Variants in MPDZ observed in about 807,000 individuals in gnomAD.
The protein encoded by MPDZ is multiple PDZ domain protein.
MPDZ carries 234 observed loss-of-function variants against 239.1 expected under a neutral mutation model. The ratio of observed to expected loss-of-function variants is 0.98; its 90% CI spans 0.88 to 1.09. The LOEUF is 1.09. Among genes scored for constraint, MPDZ ranks in the 50% least tolerant of loss-of-function variants. The pLI, the probability that MPDZ is intolerant of heterozygous loss-of-function variation, is 0.00. For missense variants in MPDZ, 3,175 were observed against 2,510.0 expected, an observed-to-expected ratio of 1.26 and a Z score of -5.66; for synonymous variants, 1,048 against 881.3, an observed-to-expected ratio of 1.19 and a Z score of -3.35.
At chr9:13,208,399 A>T (rs1957231997) in intron 10 of MPDZ, among the ~76,000 whole-genome samples, 1 of 151,862 alleles carries the variant, frequency 6.6e-6, no homozygotes, top group Non-Finnish European at 1.5e-5. Context: ...GTGAGCCATG[A>T]TCATGCCAGT....
chr9:13,161,142 C>T (rs139270835), intron 23 of MPDZ, among the ~76,000 whole-genome samples: 2 of 151,678 alleles, frequency 1.3e-5, no homozygotes, highest in African/African-American at 4.8e-5. Flanking sequence ...AATAACATAC[C>T]TTCCCCTTCC....
At chr9:13,124,825 T>C (rs1944883769) in intron 35 of MPDZ, among the ~76,000 whole-genome samples, 1 of 152,126 alleles carries the variant, frequency 6.6e-6, no homozygotes, top group South Asian at 2.1e-4. Flanking sequence ...AGAAGTTAAA[T>C]TACTTTCCCA....
At chr9:13,144,734 G>A (rs893664446) in intron 26 of MPDZ, among the ~76,000 whole-genome samples, 1 of 151,986 alleles carries the variant, frequency 6.6e-6, no homozygotes. Context: ...TTCCTACAGA[G>A]GGAAGACAGG....
chr9:13,223,425 T>C (rs1484340855), intron 5 of MPDZ, 146 bp downstream of exon 5: 88 of 848,776 alleles, frequency 1.0e-4, no homozygotes, highest in Non-Finnish European at 1.3e-4. Flanking sequence ...ATCACAACAA[T>C]GTTAATGACT....
In MPDZ at chr9:13,108,786, A is replaced by G. The variant is rs190504081; in HGVS notation, c.6066+150T>C. 7.3e-5 allele frequency: 47 copies of G among 645,766 alleles called. 1 individual carries two copies. The Admixed American group carries it at 1.9e-3, about 26-fold the overall frequency. The allele number at this position is 645,766 out of a possible 1,614,324, so 40.0% of individuals were successfully genotyped here. On this transcript the variant is annotated intron_variant, in intron 46 of 46. Transcript: ENST00000319217. Reference sequence around the variant, plus strand: ...AACCTCAAATTGGACAAAAATATTTAATGACCTGTTCCTGTAGGGAGTTTT... The same window carrying G: ...AACCTCAAATTGGACAAAAATATTTGATGACCTGTTCCTGTAGGGAGTTTT...
chr9:13,276,984 T>C (rs1974351953), intron 1 of MPDZ, among the ~76,000 whole-genome samples: 3 of 152,212 alleles, frequency 2.0e-5, no homozygotes. Context: ...CAACTAGACC[T>C]AAATCCATGT....
Position 13,162,801 on chromosome 9 carries a change from A to G in MPDZ, c.3255-6T>C. ...CTGCAGGCACATAAGTAATTCTGGA[A>G]CAAACCAGAATCCATGGAAGTGAAG... On this transcript the variant is annotated splice_polypyrimidine_tract_variant and splice_region_variant and intron_variant, in intron 22 of 46. Coordinates refer to ENST00000319217, the MANE Select transcript of MPDZ (RefSeq NM_001378778.1). 1.3e-6 allele frequency: 2 copies of G among 1,582,902 alleles called. No individual in the cohort carries two copies. The highest frequency in any genetic ancestry group is 1.7e-6 in the Non-Finnish European group (2 of 1,154,116).
chr9:13,224,295 C>A (rs1959801088), intron 4 of MPDZ, 79 bp downstream of exon 4: 11 of 1,297,340 alleles, frequency 8.5e-6, no homozygotes, highest in Non-Finnish European at 1.2e-5. Flanking sequence ...TCACTATATT[C>A]TTCAAATTAT....
At chr9:13,212,968 C>T (rs576642398) in intron 10 of MPDZ, among the ~76,000 whole-genome samples, 31 of 152,042 alleles carry the variant, frequency 2.0e-4, no homozygotes, top group African/African-American at 6.3e-4. Flanking sequence ...ATATCCTATA[C>T]GTATAAAGAG....
At chr9:13,191,502 G>A (rs1367792005) in intron 15 of MPDZ, among the ~76,000 whole-genome samples, 1 of 152,026 alleles carries the variant, frequency 6.6e-6, no homozygotes, top group Non-Finnish European at 1.5e-5. Context: ...TAAACAAACA[G>A]GAAAATGTGA....
At chr9:13,135,532 T>A (rs1946607355) in intron 31 of MPDZ, 1 of 152,176 alleles carries the variant, frequency 6.6e-6, no homozygotes, top group Admixed American at 6.5e-5. Context: ...GCCAGAGAAA[T>A]TTTTAACTAA....
At chr9:13,262,182 G>T (rs1247365990) in intron 1 of MPDZ, among the ~76,000 whole-genome samples, 1 of 151,976 alleles carries the variant, frequency 6.6e-6, no homozygotes, top group Non-Finnish European at 1.5e-5. Flanking sequence ...CTGCATTCAG[G>T]CCAGCCACAG....
At position 13,183,551 on chromosome 9, in the gene MPDZ, G is replaced by C. The variant is rs1170242817; in HGVS notation, c.2516C>G (p.Ser839Cys). 6.2e-7 allele frequency: 1 copy of C among 1,612,276 alleles called. No individual in the cohort carries two copies. Among genetic ancestry groups the C allele is most frequent in the East Asian group, 2.2e-5 (1 of 44,750 alleles). Residue 839 changes from serine to cysteine, a missense_variant, in exon 19 of 47, where the codon TCC becomes TGC. Ser to Cys is a moderately radical substitution (Grantham distance 112, BLOSUM62 -1). Coordinates refer to ENST00000319217, the MANE Select transcript of MPDZ (RefSeq NM_001378778.1). Reference sequence around the variant, plus strand: ...AGGAGAGTATGGAGACTCAAATGTGGATTCATCTACTAAGTCAGCATCATT... The same window carrying C: ...AGGAGAGTATGGAGACTCAAATGTGCATTCATCTACTAAGTCAGCATCATT... ...GTNDADLVDE[S>C]TFESPYSPEN...
chr9:13,166,812 G>C (rs1000557621), intron 22 of MPDZ, among the ~76,000 whole-genome samples: 2 of 151,970 alleles, frequency 1.3e-5, no homozygotes, highest in Non-Finnish European at 2.9e-5. Context: ...AATGAGGAAA[G>C]GGGAAAAAAG....
chr9:13,174,518 G>A (rs778306709), intron 21 of MPDZ, among the ~76,000 whole-genome samples: 1 of 152,072 alleles, frequency 6.6e-6, no homozygotes, highest in Non-Finnish European at 1.5e-5. Context: ...AATGCACACT[G>A]GAGTATAAAA....
intron 1 of MPDZ, among the ~76,000 whole-genome samples, chr9:13,259,424 C>A (rs1008443676): frequency 3.3e-5 from 5 of 152,148 alleles, no homozygotes; most frequent in South Asian, 2.1e-4. Flanking sequence ...TCTGCAAATA[C>A]ACATGGGGCA....
intron 3 of MPDZ, among the ~76,000 whole-genome samples, chr9:13,241,807 G>T (rs560072386): frequency 3.5e-4 from 54 of 152,220 alleles, no homozygotes; most frequent in African/African-American, 1.3e-3. Context: ...CAACACTTTG[G>T]CCATGAACTC....
At chr9:13,122,265 G>T in intron 36 of MPDZ, 95 bp from the exon 37 acceptor site, 1 of 1,076,380 alleles carries the variant, frequency 9.3e-7, no homozygotes, top group Non-Finnish European at 1.4e-6. Context: ...TTGATAGACA[G>T]CAATAAGGGT....
chr9:13,206,199 G>A lies in MPDZ; in HGVS notation c.1291-100C>T, dbSNP rs551481728. On this transcript the variant is annotated intron_variant, in intron 10 of 46. Transcript: ENST00000319217. ...GTATGTATAGTTGTTAGTGTGAAAA[G>A]AATGGAGAATAAGTATTCACCTTAT... 4.4e-5 allele frequency: 49 copies of A among 1,113,962 alleles called. No homozygotes were observed. The African/African-American group carries it at 7.1e-4, about 16-fold the overall frequency. 69.0% of individuals were successfully genotyped at this position (1,113,962 alleles called of 1,614,324 possible). A position where few individuals can be genotyped will look rare whatever the true frequency, so the allele number is the denominator to read the frequency against.
Sources: gnomAD v4.1 joint callset for allele counts (sites outside exome capture counted in the v4.1 genomes callset) on GRCh38, gnomAD v4.1.1 for gene constraint, MANE v1.5 for transcripts, NCBI Gene and HGNC (gene_info 2026-07-23, HGNC 2026-07-21) for gene names.